JAZF1: variants seen among roughly 807,000 people sequenced by gnomAD.
JAZF1 encodes the protein juxtaposed with another zinc finger protein 1.
Under a neutral mutation model 26.4 loss-of-function variants are expected in JAZF1, and 8 were observed. That is an observed-to-expected ratio of 0.30 (90% CI 0.18 to 0.55). JAZF1 has a LOEUF of 0.55. Ranked by LOEUF, JAZF1 falls within the 20% of genes least tolerant of loss-of-function variation. The pLI is 0.94. For synonymous variants in JAZF1, 126 were observed against 122.3 expected, an observed-to-expected ratio of 1.03 and a Z score of -0.20; for missense variants, 199 against 322.0, an observed-to-expected ratio of 0.62 and a Z score of 2.92.
intron 1 of JAZF1, among the ~76,000 whole-genome samples, chr7:28,124,919 T>C (rs578150036): frequency 6.6e-6 from 1 of 152,310 alleles, no homozygotes; most frequent in South Asian, 2.1e-4. Context: ...AAAAATATAC[T>C]TTCTCTTTAT....
chr7:27,878,344 T>C (rs760888569), intron 3 of JAZF1, among the ~76,000 whole-genome samples: 13 of 151,008 alleles, frequency 8.6e-5, no homozygotes, highest in Non-Finnish European at 1.6e-4. Context: ...TTGAAAAATA[T>C]ATTTTACATT....
intron 1 of JAZF1, among the ~76,000 whole-genome samples, chr7:28,046,983 A>G (rs913161738): frequency 1.3e-5 from 2 of 152,154 alleles, no homozygotes; most frequent in African/African-American, 4.8e-5. Flanking sequence ...AATTTGTTAA[A>G]CATTTTAAGA....
At chr7:28,082,512 A>G (rs1360295963) in intron 1 of JAZF1, among the ~76,000 whole-genome samples, 1 of 152,008 alleles carries the variant, frequency 6.6e-6, no homozygotes, top group African/African-American at 2.4e-5. Context: ...TTTAGTTAAT[A>G]TCTGTATGCT....
intron 1 of JAZF1, among the ~76,000 whole-genome samples, chr7:28,173,317 T>C (rs543763589): frequency 1.2e-4 from 19 of 152,148 alleles, no homozygotes; most frequent in Non-Finnish European, 2.4e-4. Context: ...ACATAGGAAA[T>C]ACTCAAAAAT....
intron 1 of JAZF1, among the ~76,000 whole-genome samples, chr7:28,016,885 A>G (rs907026776): frequency 1.3e-5 from 2 of 152,236 alleles, no homozygotes; most frequent in African/African-American, 4.8e-5. Flanking sequence ...GCAGTGAATG[A>G]CAAAAAAAGA....
At chr7:27,875,321 C>G (rs1783658509) in intron 3 of JAZF1, among the ~76,000 whole-genome samples, 1 of 152,212 alleles carries the variant, frequency 6.6e-6, no homozygotes, top group African/African-American at 2.4e-5. Flanking sequence ...TTTCCTCTTT[C>G]CTCGGCACAG....
chr7:27,887,633 C>G (rs1343046403), intron 3 of JAZF1, among the ~76,000 whole-genome samples: 1 of 152,084 alleles, frequency 6.6e-6, no homozygotes. Flanking sequence ...CCAGGCTGGT[C>G]TCGAACTCCT....
At position 27,966,217 on chromosome 7, in the gene JAZF1, C is replaced by T. The variant is rs112751321; in HGVS notation, c.188+25692G>A. Among the ~76,000 whole-genome samples the T allele has an allele frequency of 9.3e-3, 1,416 of 152,354 alleles. 12 individuals are homozygous for T. The highest frequency in any genetic ancestry group is 0.015 in the Non-Finnish European group (1,030 of 68,030). ...GGGCAAGACTCTCCTGCTAACACAA[C>T]CCCAGGTTCTTCTGAGGAGGTGCCT... On this transcript the variant is annotated intron_variant, in intron 2 of 4. Coordinates refer to ENST00000283928, the MANE Select transcript of JAZF1 (RefSeq NM_175061.4).
At chr7:28,064,167 T>C (rs969045642) in intron 1 of JAZF1, among the ~76,000 whole-genome samples, 1 of 152,058 alleles carries the variant, frequency 6.6e-6, no homozygotes, top group Non-Finnish European at 1.5e-5. Flanking sequence ...ACCAAAGATA[T>C]GGAATTAACA....
intron 2 of JAZF1, among the ~76,000 whole-genome samples, chr7:27,906,087 C>T (rs1784251276): frequency 3.3e-5 from 5 of 152,254 alleles, no homozygotes; most frequent in African/African-American, 1.2e-4. Flanking sequence ...AAACAGAACT[C>T]TTAAATTTAG....
At chr7:28,012,355 A>C (rs888626408) in intron 1 of JAZF1, among the ~76,000 whole-genome samples, 1 of 152,244 alleles carries the variant, frequency 6.6e-6, no homozygotes, top group Non-Finnish European at 1.5e-5. Context: ...CTAATATTTC[A>C]CATTAAATCT....
chr7:28,158,965 C>T lies in JAZF1; in HGVS notation c.115+21498G>A, dbSNP rs180794789. ...TCAGTAGGTCAGAACATCCTATGTG[C>T]CAGCCACTGTCCTGGGCCCTGGGAA... On this transcript the variant is annotated intron_variant, in intron 1 of 4. Transcript: ENST00000283928. Among the ~76,000 whole-genome samples the T allele has an allele frequency of 1.3e-3, 200 of 152,264 alleles. 2 individuals carry two copies. In the South Asian group the frequency reaches 0.022, roughly 16 times the overall value.
At chr7:27,849,774 C>CACACACACACACACACACACACACACA (rs59861991) in intron 3 of JAZF1, among the ~76,000 whole-genome samples, 1 of 150,066 alleles carries the variant, frequency 6.7e-6, no homozygotes, top group African/African-American at 2.5e-5. Context: ...CACACACACA[C>CACACACACACACACACACACACACACA]CCCTACACCT....
chr7:27,868,424 C>T (rs1294831060), intron 3 of JAZF1, among the ~76,000 whole-genome samples: 1 of 152,238 alleles, frequency 6.6e-6, no homozygotes, highest in African/African-American at 2.4e-5. Flanking sequence ...ATCCCCCTCT[C>T]CAGATTCCTC....
intron 4 of JAZF1, among the ~76,000 whole-genome samples, chr7:27,833,942 G>A (rs888427106): frequency 3.3e-5 from 5 of 152,170 alleles, no homozygotes; most frequent in Admixed American, 3.3e-4. Flanking sequence ...TTTGAGATAG[G>A]TCTTAATTTC....
At chr7:27,938,838 G>C (rs1784800143) in intron 2 of JAZF1, among the ~76,000 whole-genome samples, 4 of 137,920 alleles carry the variant, frequency 2.9e-5, no homozygotes. Flanking sequence ...ATGGAGTTTT[G>C]CCATGTTGCC....
intron 3 of JAZF1, among the ~76,000 whole-genome samples, chr7:27,881,320 T>C (rs189639505): frequency 2.3e-4 from 35 of 152,332 alleles, no homozygotes; most frequent in Non-Finnish European, 4.1e-4. Context: ...GACATTTTAA[T>C]TGCATGCTTT....
chr7:28,116,778 T>A (rs1451989013), intron 1 of JAZF1, among the ~76,000 whole-genome samples: 1 of 152,114 alleles, frequency 6.6e-6, no homozygotes, highest in Non-Finnish European at 1.5e-5. Context: ...CTGAGGATAA[T>A]CTGTTCATAT....
At chr7:28,152,306 A>G (rs1475015838) in intron 1 of JAZF1, among the ~76,000 whole-genome samples, 2 of 152,198 alleles carry the variant, frequency 1.3e-5, no homozygotes, top group African/African-American at 4.8e-5. Flanking sequence ...CAACTTCACA[A>G]GTATTCATCT....
Sources: allele counts gnomAD v4.1 joint callset (sites outside exome capture counted in the v4.1 genomes callset), GRCh38; gene constraint gnomAD v4.1.1; transcripts MANE v1.5; gene names NCBI Gene and HGNC (gene_info 2026-07-23, HGNC 2026-07-21).